Variants in NRXN3 observed in about 807,000 individuals in gnomAD.
NRXN3 encodes neurexin 3.
In NRXN3, 32 loss-of-function variants were observed where a neutral mutation model predicts 137.6. The ratio of observed to expected loss-of-function variants is 0.23; its 90% CI spans 0.18 to 0.31. NRXN3 has a LOEUF of 0.31. NRXN3 is among the 10% of genes least tolerant of loss of function. The pLI, the probability that NRXN3 is intolerant of heterozygous loss-of-function variation, is 1.00. For synonymous variants in NRXN3, 798 were observed against 784.5 expected (o/e 1.02, Z -0.29); for missense variants, 1,574 against 2,062.5 (o/e 0.76, Z 4.59).
chr14:79,082,230 T>C (rs2047180244), intron 15 of NRXN3, among the ~76,000 whole-genome samples: 1 of 152,108 alleles, frequency 6.6e-6, no homozygotes, highest in African/African-American at 2.4e-5. Flanking sequence ...AAAATTTAGG[T>C]GTTTTATAAA....
At chr14:79,734,690 A>T (rs752057746) in intron 19 of NRXN3, among the ~76,000 whole-genome samples, 31 of 152,174 alleles carry the variant, frequency 2.0e-4, no homozygotes, top group Non-Finnish European at 4.4e-4. Context: ...TTGAAAATTT[A>T]GATTCTCACA....
At chr14:79,597,367 A>T (rs542929294) in intron 16 of NRXN3, among the ~76,000 whole-genome samples, 32 of 152,240 alleles carry the variant, frequency 2.1e-4, no homozygotes, top group African/African-American at 6.5e-4. Context: ...CAACATTGAG[A>T]TGTGTGATTT....
In NRXN3 at chr14:78,781,905, A is replaced by G. The variant is rs542201561; in HGVS notation, c.2045-21715A>G. Among the ~76,000 whole-genome samples, 164 of 152,326 alleles carry G rather than the reference A, an allele frequency of 1.1e-3. 3 individuals carry two copies. The South Asian group carries it at 0.032, about 30-fold the overall frequency. On this transcript the variant is annotated intron_variant, in intron 8 of 20. Transcript: ENST00000335750. Reference sequence around the variant, plus strand: ...AACCTTCTCACACGAAGAGAAAAGAATACTTTGCAAAATGGCTGCTGCATC... The same window carrying G: ...AACCTTCTCACACGAAGAGAAAAGAGTACTTTGCAAAATGGCTGCTGCATC...
chr14:79,078,785 C>G (rs1336837708), intron 15 of NRXN3, among the ~76,000 whole-genome samples: 1 of 152,110 alleles, frequency 6.6e-6, no homozygotes, highest in Non-Finnish European at 1.5e-5. Flanking sequence ...TTTGAATTTT[C>G]TGCAGCACTG....
intron 15 of NRXN3, among the ~76,000 whole-genome samples, chr14:79,137,985 C>T (rs907826249): frequency 1.3e-5 from 2 of 152,072 alleles, no homozygotes; most frequent in African/African-American, 2.4e-5. Flanking sequence ...AAAATACCTC[C>T]TGAATCCTTT....
intron 15 of NRXN3, among the ~76,000 whole-genome samples, chr14:79,152,888 A>G (rs920867758): frequency 3.3e-5 from 5 of 152,030 alleles, no homozygotes; most frequent in South Asian, 2.1e-4. Flanking sequence ...TGTAATGTCA[A>G]TCTCATGAGT....
At chr14:79,013,410 T>C (rs934795189) in intron 15 of NRXN3, among the ~76,000 whole-genome samples, 3 of 152,164 alleles carry the variant, frequency 2.0e-5, no homozygotes, top group Admixed American at 6.6e-5. Context: ...TTACATGATA[T>C]TGGTTTTCAG....
At chr14:78,768,864 C>T (rs2098717582) in intron 8 of NRXN3, among the ~76,000 whole-genome samples, 1 of 152,194 alleles carries the variant, frequency 6.6e-6, no homozygotes, top group Admixed American at 6.5e-5. Flanking sequence ...CCAGCATTTT[C>T]ATCTATTCAC....
chr14:79,557,293 G>T (rs1211369081), intron 16 of NRXN3, among the ~76,000 whole-genome samples: 1 of 148,044 alleles, frequency 6.8e-6, no homozygotes, highest in Non-Finnish European at 1.5e-5. Flanking sequence ...AGCAAAGGAA[G>T]TTAAAGACCA....
intron 15 of NRXN3, among the ~76,000 whole-genome samples, chr14:79,047,202 A>G (rs922074144): frequency 6.6e-6 from 1 of 151,510 alleles, no homozygotes; most frequent in African/African-American, 2.4e-5. Context: ...CACCATATCT[A>G]AGAAGGTATT....
intron 4 of NRXN3, among the ~76,000 whole-genome samples, chr14:78,518,068 T>A (rs2096236032): frequency 6.6e-6 from 1 of 152,152 alleles, no homozygotes; most frequent in Admixed American, 6.5e-5. Context: ...AGAACCTAGA[T>A]AACATAGAAG....
At chr14:79,479,682 T>C (rs935074219) in intron 16 of NRXN3, among the ~76,000 whole-genome samples, 1 of 152,148 alleles carries the variant, frequency 6.6e-6, no homozygotes, top group Non-Finnish European at 1.5e-5. Flanking sequence ...CACTTTCTTT[T>C]TGGATTCAAA....
intron 15 of NRXN3, chr14:79,279,716 G>T (rs1427358172): frequency 5.1e-5 from 50 of 986,150 alleles, no homozygotes; most frequent in Non-Finnish European, 5.9e-5. Context: ...GCCCTTCCGC[G>T]GAGACTCCCA....
chr14:79,460,914 A>G (rs934057887), intron 15 of NRXN3, among the ~76,000 whole-genome samples: 2 of 152,206 alleles, frequency 1.3e-5, no homozygotes, highest in Non-Finnish European at 1.5e-5. Context: ...AGTGCATTCA[A>G]TGTTGCTTTA....
chr14:78,574,001 C>T (rs2096913188), intron 4 of NRXN3, among the ~76,000 whole-genome samples: 1 of 152,242 alleles, frequency 6.6e-6, no homozygotes. Flanking sequence ...GAACTTGGTG[C>T]TCTGCATCCC....
intron 16 of NRXN3, among the ~76,000 whole-genome samples, chr14:79,556,268 C>T (rs1389561448): frequency 6.6e-6 from 1 of 152,090 alleles, no homozygotes. Flanking sequence ...GTGTATTATT[C>T]TCTGAGAGGT....
At chr14:79,746,087 C>A (rs887601516) in intron 19 of NRXN3, among the ~76,000 whole-genome samples, 2 of 152,070 alleles carry the variant, frequency 1.3e-5, no homozygotes, top group Non-Finnish European at 2.9e-5. Flanking sequence ...AAATTCAAGC[C>A]ATAACAGGCT....
At chr14:78,594,081 A>G (rs1438855782) in intron 4 of NRXN3, among the ~76,000 whole-genome samples, 1 of 152,186 alleles carries the variant, frequency 6.6e-6, no homozygotes, top group African/African-American at 2.4e-5. Context: ...AGGTTGTTCC[A>G]GGGCCAGAGA....
chr14:78,849,012 A>C (rs1006192900), intron 10 of NRXN3, among the ~76,000 whole-genome samples: 1 of 152,092 alleles, frequency 6.6e-6, no homozygotes, highest in Non-Finnish European at 1.5e-5. Context: ...GTAATTATGC[A>C]CAGAGAAAAC....
Sources: gnomAD v4.1 joint callset for allele counts (sites outside exome capture counted in the v4.1 genomes callset) on GRCh38, gnomAD v4.1.1 for gene constraint, MANE v1.5 for transcripts, NCBI Gene and HGNC (gene_info 2026-07-23, HGNC 2026-07-21) for gene names.